The following RIC1 variants were observed in gnomAD, a reference collection of about 807,000 sequenced individuals.
RIC1 encodes the protein RIC1 partner of RAB6A GEF complex.
A neutral mutation model predicts 169.0 loss-of-function variants in RIC1; 88 were observed. The observed-to-expected ratio is 0.52, with a 90% CI of 0.44 to 0.62. The LOEUF (loss-of-function observed/expected upper bound fraction) is 0.62. RIC1 is among the 20% of genes least tolerant of loss of function. RIC1 has a pLI of 0.00. For synonymous variants in RIC1, 790 were observed against 601.5 expected (o/e 1.31, Z -4.59); for missense variants, 1,877 against 1,725.5 (o/e 1.09, Z -1.56).
chr9:5,716,586 C>G (rs914245950), intron 4 of RIC1, among the ~76,000 whole-genome samples: 1 of 152,230 alleles, frequency 6.6e-6, no homozygotes, highest in Non-Finnish European at 1.5e-5. Context: ...GCACTCCAGC[C>G]AGGGCAACAG....
chr9:5,738,582 C>T (rs1002659370), intron 8 of RIC1, 44 bp downstream of exon 8: 7 of 1,091,516 alleles, frequency 6.4e-6, no homozygotes, highest in Admixed American at 2.9e-5. Flanking sequence ...TTTTAATGTA[C>T]TGGTATTGCC....
rs764216994 is a variant in RIC1 at position 5,656,684 on chromosome 9, T to G, written c.246T>G (p.Ala82=). ...GGAGGCCAGATAGTACCATGATAGC[T>G]GTATCAGTAAGTAGATTTTACCGCT... is the stretch of plus-strand genomic sequence containing the variant. ...AEWRPDSTMI[A]VSTANGYILF... is the part of the protein sequence containing the mutation. Residue 82 remains alanine, a synonymous_variant, in exon 2 of 26, where the codon GCT becomes GCG. Coordinates refer to ENST00000414202, the MANE Select transcript of RIC1 (RefSeq NM_020829.4). 2 of 1,568,488 alleles carry G rather than the reference T, an allele frequency of 1.3e-6. No homozygotes were observed. The highest frequency in any genetic ancestry group is 1.7e-6 in the Non-Finnish European group (2 of 1,145,188).
In RIC1 at chr9:5,745,050, A is replaced by G. The variant is rs553737277; in HGVS notation, c.1096-881A>G. 2.8e-3 allele frequency among the ~76,000 whole-genome samples: 432 copies of G among 152,244 alleles called. 1 individual carries two copies. Among genetic ancestry groups the G allele is most frequent in the Non-Finnish European group, 4.6e-3 (310 of 68,014 alleles). On this transcript the variant is annotated intron_variant, in intron 10 of 25. Coordinates refer to ENST00000414202, the MANE Select transcript of RIC1 (RefSeq NM_020829.4). ...CCTTCTGATGTCTTTGCCCACCTCC[A>G]TAGTTTAAAATAAGTTTTCACCACA...
chr9:5,763,541 A>C lies in RIC1; in HGVS notation c.2514A>C (p.Arg838Ser). Residue 838 changes from arginine (R) to serine (S), a missense_variant, in exon 19 of 26, where the codon AGA becomes AGC. This residue lies in a region of RIC1 where 92 missense variants were observed against 151.5 expected (regional missense o/e 0.61). Transcript: ENST00000414202. This position sits in a 1 kb window ranked among gnomAD's most constrained non-coding sequence, Gnocchi z 5.2. ...LHHILRQLLV[R>S]NLGEQALLLA... ...ACATTCTACGTCAACTTCTGGTCAG[A>C]AACCTTGGGGAGCAAGCCTTGCTCT... 1 of 1,614,120 alleles carries C rather than the reference A, an allele frequency of 6.2e-7. No homozygotes were observed. Among genetic ancestry groups the C allele is most frequent in the Non-Finnish European group, 8.5e-7 (1 of 1,180,018 alleles).
intron 2 of RIC1, among the ~76,000 whole-genome samples, chr9:5,673,033 G>A (rs1308468774): frequency 6.6e-6 from 1 of 152,142 alleles, no homozygotes; most frequent in Admixed American, 6.5e-5. Context: ...CTTGGTATTG[G>A]AGCTACAGTG....
intron 2 of RIC1, among the ~76,000 whole-genome samples, chr9:5,661,649 T>A (rs896007292): frequency 6.6e-6 from 1 of 152,120 alleles, no homozygotes; most frequent in Non-Finnish European, 1.5e-5. Flanking sequence ...TGTTGATGTA[T>A]AAGAATGCTA....
chr9:5,687,522 A>G (rs1821322023), intron 2 of RIC1, among the ~76,000 whole-genome samples: 1 of 152,114 alleles, frequency 6.6e-6, no homozygotes, highest in African/African-American at 2.4e-5. Context: ...GCAGCATCCC[A>G]CAAATTTTGG....
At chr9:5,777,506 A>G (rs922763160), downstream of RIC1, among the ~76,000 whole-genome samples, 6 of 151,844 alleles carry the variant, frequency 4.0e-5, no homozygotes, top group African/African-American at 1.2e-4. Flanking sequence ...GAATCATTTC[A>G]CTTTCTCCAT....
intron 3 of RIC1, among the ~76,000 whole-genome samples, chr9:5,691,399 G>A (rs1821583551): frequency 1.3e-5 from 2 of 151,878 alleles, no homozygotes; most frequent in African/African-American, 4.8e-5. Flanking sequence ...TGATGCTATA[G>A]CCACTTGTTT....
At chr9:5,729,846 A>T (rs1375818912) in intron 6 of RIC1, among the ~76,000 whole-genome samples, 1 of 119,892 alleles carries the variant, frequency 8.3e-6, no homozygotes, top group Non-Finnish European at 1.9e-5. Flanking sequence ...ATTAGAAAAA[A>T]CTCTTTTTTT....
At position 5,642,729 on chromosome 9, in the gene RIC1, T is replaced by C. The variant is rs527428714; in HGVS notation, c.144+13276T>C. Among the ~76,000 whole-genome samples, 25 of 118,270 alleles carry C rather than the reference T, an allele frequency of 2.1e-4. 9 individuals carry two copies. The highest frequency in any genetic ancestry group is 1.1e-3 in the African/African-American group (23 of 20,722). The allele number at this position is 118,270 out of a possible 152,430, so 77.6% of individuals were successfully genotyped here. On this transcript the variant is annotated intron_variant, in intron 1 of 25. Coordinates refer to ENST00000414202, the MANE Select transcript of RIC1 (RefSeq NM_020829.4). ...CCACTGCCGGGCAGTCATCTTCAGG[T>C]GTTTATGAATCATTAACATAATCCA...
intron 1 of RIC1, among the ~76,000 whole-genome samples, chr9:5,646,900 G>A (rs1818546397): frequency 6.6e-6 from 1 of 152,092 alleles, no homozygotes; most frequent in Non-Finnish European, 1.5e-5. Context: ...AAGTCATGAA[G>A]TTTTTGGCTT....
At chr9:5,742,302 G>C (rs1234608369) in intron 8 of RIC1, among the ~76,000 whole-genome samples, 1 of 152,068 alleles carries the variant, frequency 6.6e-6, no homozygotes, top group Non-Finnish European at 1.5e-5. Context: ...AAGGTCTCCA[G>C]GGTTTGGCAG....
In RIC1 at chr9:5,633,205, C is replaced by T. The variant is rs1428108425; in HGVS notation, c.144+3752C>T. 3.3e-5 allele frequency among the ~76,000 whole-genome samples: 5 copies of T among 152,144 alleles called. No individual in the cohort carries two copies. The South Asian group carries it at 1.0e-3, about 32-fold the overall frequency. ...ATCATGGAAAAAAACAATGATATGT[C>T]AAAAGAACCAAGCTTTGGATCAGGT... On this transcript the variant is annotated intron_variant, in intron 1 of 25. Transcript: ENST00000414202.
At chr9:5,722,348 A>ACAGAGAGAGTGT (rs1554673861) in intron 6 of RIC1, among the ~76,000 whole-genome samples, 1 of 131,298 alleles carries the variant, frequency 7.6e-6, no homozygotes, top group East Asian at 2.3e-4. Flanking sequence ...AGAGAGAGAG[A>ACAGAGAGAGTGT]GTGTGTGTGT....
rs747029814 is a variant in RIC1 at position 5,689,960 on chromosome 9, C to G, written c.254C>G (p.Thr85Arg). The part of the protein sequence containing the change: ...RPDSTMIAVS[T>R]ANGYILFFHI... ...TGATTAATAAAATTTCTCTTTCAGACGGCAAATGGATACATCTTGTTTTTT... is the reference window on the plus strand; with the variant it reads ...TGATTAATAAAATTTCTCTTTCAGAGGGCAAATGGATACATCTTGTTTTTT... Residue 85 changes from threonine (T) to arginine (R), a missense_variant and splice_region_variant, in exon 3 of 26, where the codon ACG (threonine) becomes AGG (arginine). Physicochemically the swap from Thr to Arg is moderately conservative, Grantham distance 71. Coordinates refer to ENST00000414202, the MANE Select transcript of RIC1 (RefSeq NM_020829.4). 6.3e-7 allele frequency: 1 copy of G among 1,586,546 alleles called. No homozygotes were observed. The highest frequency in any genetic ancestry group is 1.4e-5 in the African/African-American group (1 of 73,730).
At chr9:5,631,663 G>C (rs569350912) in intron 1 of RIC1, among the ~76,000 whole-genome samples, 2 of 148,076 alleles carry the variant, frequency 1.4e-5, no homozygotes, top group South Asian at 2.2e-4. Context: ...CTCCAGCCTG[G>C]CGACAGAGCA....
At chr9:5,772,160 C>T (rs1827267388) in intron 23 of RIC1, among the ~76,000 whole-genome samples, 1 of 152,134 alleles carries the variant, frequency 6.6e-6, no homozygotes, top group South Asian at 2.1e-4. Context: ...TTTTCCCTTC[C>T]TTGCAGTTTA....
At chr9:5,641,000 T>A (rs1405199173) in intron 1 of RIC1, among the ~76,000 whole-genome samples, 1 of 152,060 alleles carries the variant, frequency 6.6e-6, no homozygotes, top group Non-Finnish European at 1.5e-5. Flanking sequence ...GTATGTTATT[T>A]GTTTCTTTTC....
Sources: allele counts gnomAD v4.1 joint callset (sites outside exome capture counted in the v4.1 genomes callset), GRCh38; gene constraint gnomAD v4.1.1; regional missense constraint gnomAD v4.1.1; non-coding constraint Gnocchi (gnomAD v3.1); transcripts MANE v1.5; gene names NCBI Gene and HGNC (gene_info 2026-07-23, HGNC 2026-07-21).